Variants in ELK3 observed in about 807,000 individuals in gnomAD.
The protein encoded by ELK3 is ETS transcription factor ELK3, also known as ETS domain-containing protein Elk-3.
ELK3 carries 10 observed loss-of-function variants against 28.9 expected under a neutral mutation model. The observed-to-expected ratio is 0.35, with a 90% confidence interval of 0.21 to 0.59. The LOEUF is 0.59. ELK3 is among the 20% of genes least tolerant of loss of function. ELK3 has a pLI of 0.82. For missense variants in ELK3, 463 were observed against 517.3 expected, an observed-to-expected ratio of 0.90 and a Z score of 1.02; for synonymous variants, 272 against 243.5, an observed-to-expected ratio of 1.12 and a Z score of -1.09.
chr12:96,194,816 C>G (rs2136993859), intron 1 of ELK3, 111 bp downstream of exon 1: 1 of 44,184 alleles, frequency 2.3e-5, no homozygotes, highest in South Asian at 6.9e-4. Context: ...CGGGGGGCGC[C>G]GCGGGGTGGG....
chr12:96,194,987 C>A (rs1375900192), intron 1 of ELK3, among the ~76,000 whole-genome samples: 1 of 151,242 alleles, frequency 6.6e-6, no homozygotes, highest in Non-Finnish European at 1.5e-5. Flanking sequence ...GCTCCCCTCC[C>A]TGGGGCTGCG....
chr12:96,249,331 C>T (rs1951884733), intron 3 of ELK3, among the ~76,000 whole-genome samples: 1 of 152,244 alleles, frequency 6.6e-6, no homozygotes, highest in South Asian at 2.1e-4. Flanking sequence ...GGACTGGATT[C>T]TGCCCAGGAT....
At chr12:96,259,976 G>C in intron 4 of ELK3, 123 bp downstream of exon 4, 1 of 1,334,268 alleles carries the variant, frequency 7.5e-7, no homozygotes, top group South Asian at 1.8e-5. Context: ...TGTCCAGAGG[G>C]GGTTCATGTT....
chr12:96,217,702 G>A (rs924542336), intron 1 of ELK3, among the ~76,000 whole-genome samples: 3 of 152,102 alleles, frequency 2.0e-5, no homozygotes, highest in Admixed American at 6.5e-5. Context: ...TTGGGAGGCC[G>A]AGGCGGGCAG....
intron 2 of ELK3, among the ~76,000 whole-genome samples, chr12:96,237,350 C>T (rs1473970783): frequency 1.3e-5 from 2 of 152,144 alleles, no homozygotes; most frequent in Admixed American, 6.6e-5. Context: ...GTGAGAGGAT[C>T]GTTTGAGCCC....
At chr12:96,257,541 A>G (rs762043011) in intron 3 of ELK3, among the ~76,000 whole-genome samples, 10 of 152,242 alleles carry the variant, frequency 6.6e-5, no homozygotes, top group Non-Finnish European at 1.3e-4. Context: ...GAATGGGCAT[A>G]TGATGGCCAT....
At chr12:96,219,996 G>T (rs1951651107) in intron 1 of ELK3, among the ~76,000 whole-genome samples, 1 of 152,178 alleles carries the variant, frequency 6.6e-6, no homozygotes, top group South Asian at 2.1e-4. Context: ...CGCCGGAGCA[G>T]TGTTGCGCAT....
rs1063997 is a variant in ELK3, at chr12:96,247,073, C to T, written c.341C>T (p.Ala114Val). The T allele has an allele frequency of 3.8e-5, 62 of 1,613,844 alleles. No homozygotes were observed. The highest frequency in any genetic ancestry group is 4.7e-5 in the Non-Finnish European group (55 of 1,180,000). ...SLLLQDSDCKASPEGREAHKH... is the reference protein window; with the variant it reads ...SLLLQDSDCKVSPEGREAHKH... ...CTGCTGCAGGACAGCGACTGCAAGGCGTCTCCGGAGGGCCGCGAGGCCCAC... is the reference window on the plus strand; with the variant it reads ...CTGCTGCAGGACAGCGACTGCAAGGTGTCTCCGGAGGGCCGCGAGGCCCAC... Residue 114 changes from alanine to valine, a missense_variant, in exon 3 of 5, where the codon GCG becomes GTG. Coordinates refer to ENST00000228741, the MANE Select transcript of ELK3 (RefSeq NM_005230.4). This position sits in a 1 kb window ranked among gnomAD's most constrained non-coding sequence, Gnocchi z 5.5.
At chr12:96,234,256 G>T (rs1951763963) in intron 2 of ELK3, among the ~76,000 whole-genome samples, 1 of 152,166 alleles carries the variant, frequency 6.6e-6, no homozygotes, top group Non-Finnish European at 1.5e-5. Flanking sequence ...TGAGCCAGAG[G>T]CCCGGGAGCG....
intron 4 of ELK3, 84 bp from the exon 5 acceptor site, chr12:96,266,998 A>G (rs1487220015): frequency 7.8e-6 from 9 of 1,147,232 alleles, no homozygotes; most frequent in Middle Eastern, 2.0e-4. Flanking sequence ...ATGGACTGCT[A>G]TGGACTGTAT....
intron 3 of ELK3, among the ~76,000 whole-genome samples, chr12:96,250,964 C>T (rs1199732724): frequency 1.3e-5 from 2 of 152,296 alleles, no homozygotes; most frequent in South Asian, 2.1e-4. Flanking sequence ...TACCTTATCA[C>T]ACCTCATACA....
chr12:96,210,853 A>G (rs1210259616), intron 1 of ELK3, among the ~76,000 whole-genome samples: 3 of 152,228 alleles, frequency 2.0e-5, no homozygotes. Context: ...GAACAAGGAA[A>G]TGTCCTGATT....
chr12:96,204,875 T>G (rs964735168), intron 1 of ELK3, among the ~76,000 whole-genome samples: 1 of 152,250 alleles, frequency 6.6e-6, no homozygotes, highest in Non-Finnish European at 1.5e-5. Flanking sequence ...TTCATCCCCT[T>G]ATTGGAGTTT....
At chr12:96,265,491 G>A (rs1312130354) in intron 4 of ELK3, among the ~76,000 whole-genome samples, 3 of 152,232 alleles carry the variant, frequency 2.0e-5, no homozygotes, top group East Asian at 1.9e-4. Flanking sequence ...TTCCAGACCA[G>A]CCTGGGCAAC....
chr12:96,198,633 T>A (rs1951487982), intron 1 of ELK3, among the ~76,000 whole-genome samples: 1 of 152,196 alleles, frequency 6.6e-6, no homozygotes, highest in Admixed American at 6.5e-5. Flanking sequence ...CTTCTAAAGG[T>A]TGGTTGTTTT....
At chr12:96,246,893 T>C (rs749097867) in intron 2 of ELK3, 47 bp from the exon 3 acceptor site, 11 of 1,535,368 alleles carry the variant, frequency 7.2e-6, no homozygotes, top group African/African-American at 1.4e-5. Context: ...TCTTACATGG[T>C]TTCTCGGGTG....
At position 96,268,151 on chromosome 12, in the gene ELK3, A is replaced by AGCTC. The variant is rs1287372238; in HGVS notation, c.*972_*975dup. On this transcript the variant is annotated 3_prime_UTR_variant, in exon 5 of 5. Coordinates refer to ENST00000228741, the MANE Select transcript of ELK3 (RefSeq NM_005230.4). ...TTAAAAAATCTAATGCTTTAGAAGA[A>AGCTC]GCTCACAGAGTGGTGATGAACCCAA... 7.9e-5 allele frequency: 12 copies of AGCTC among 152,378 alleles called. No homozygotes were observed. The highest frequency in any genetic ancestry group is 2.4e-4 in the African/African-American group (10 of 41,596). The allele number at this position is 152,378 out of a possible 1,614,324, so 9.4% of individuals were successfully genotyped here.
At chr12:96,207,030 A>G (rs763956076) in intron 1 of ELK3, among the ~76,000 whole-genome samples, 1 of 152,194 alleles carries the variant, frequency 6.6e-6, no homozygotes, top group African/African-American at 2.4e-5. Context: ...GAAATCACTC[A>G]CTGTCTTATT....
At chr12:96,206,136 C>T (rs1951536874) in intron 1 of ELK3, among the ~76,000 whole-genome samples, 1 of 152,174 alleles carries the variant, frequency 6.6e-6, no homozygotes, top group Non-Finnish European at 1.5e-5. Context: ...CCTTCAGCCT[C>T]TGCCACATCC....
Sources: allele counts gnomAD v4.1 joint callset (sites outside exome capture counted in the v4.1 genomes callset), GRCh38; gene constraint gnomAD v4.1.1; non-coding constraint Gnocchi (gnomAD v3.1); transcripts MANE v1.5; gene names NCBI Gene and HGNC (gene_info 2026-07-23, HGNC 2026-07-21).